Variants in TCF12 observed in about 807,000 individuals in gnomAD.
TCF12 encodes transcription factor 12.
A neutral mutation model predicts 86.0 loss-of-function variants in TCF12; 45 were observed. That is an observed-to-expected ratio of 0.52 (90% confidence interval 0.41 to 0.67). The LOEUF is 0.67. Among genes scored for constraint, TCF12 ranks in the 30% least tolerant of loss-of-function variants. TCF12 has a pLI of 0.00. For missense variants in TCF12, 881 were observed against 859.9 expected (o/e 1.02, Z -0.31); for synonymous variants, 330 against 299.6 (o/e 1.10, Z -1.05).
chr15:57,221,090 C>T (rs2058568178), intron 8 of TCF12, among the ~76,000 whole-genome samples: 1 of 152,050 alleles, frequency 6.6e-6, no homozygotes, highest in African/African-American at 2.4e-5. Context: ...TCACTGATTG[C>T]TTTAGTAAGG....
At chr15:56,928,872 G>C (rs1352042258) in intron 3 of TCF12, among the ~76,000 whole-genome samples, 14 of 152,168 alleles carry the variant, frequency 9.2e-5, no homozygotes, top group Non-Finnish European at 1.0e-4. Flanking sequence ...GAACGCCTGG[G>C]AACAGGTTGG....
intron 8 of TCF12, among the ~76,000 whole-genome samples, chr15:57,207,329 G>T (rs1183906006): frequency 3.9e-5 from 6 of 151,920 alleles, no homozygotes; most frequent in African/African-American, 1.5e-4. Flanking sequence ...ATTTTATATG[G>T]TTCTTAGTTT....
rs527665020 is a variant in TCF12, at chr15:56,920,030, T to TTTTG, written c.75+62_75+65dup. ...TGGCATCTTGGGGTTCTGCTGAGGT[T>TTTTG]TTTGTTTGTTTGTTTGTTTGTTTCT... On this transcript the variant is annotated intron_variant, in intron 2 of 20. Coordinates refer to ENST00000333725, the MANE Select transcript of TCF12 (RefSeq NM_207037.2). 9,822 of 1,605,772 alleles carry TTTTG rather than the reference T, an allele frequency of 6.1e-3. 37 individuals are homozygous for TTTTG. The highest frequency in any genetic ancestry group is 7.4e-3 in the Non-Finnish European group (8,722 of 1,173,166).
intron 4 of TCF12, among the ~76,000 whole-genome samples, chr15:57,075,293 CG>C (rs2069785439): frequency 6.6e-6 from 1 of 152,128 alleles, no homozygotes; most frequent in Non-Finnish European, 1.5e-5. Context: ...TTCCTTAGAT[CG>C]TTTTTCCTCA....
Position 56,982,763 on chromosome 15 carries a change from A to G in TCF12, c.148+61665A>G, listed in dbSNP as rs544303431. Among the ~76,000 whole-genome samples, 25 of 152,370 alleles carry G rather than the reference A, an allele frequency of 1.6e-4. No individual in the cohort carries two copies. The Middle Eastern group carries it at 0.01, about 62-fold the overall frequency. ...ATTGGTTTAATTAAAAACAAATTCT[A>G]TATCTGCAAGAGAAACAGTTGCTCA... On this transcript the variant is annotated intron_variant, in intron 3 of 20. Coordinates refer to ENST00000333725, the MANE Select transcript of TCF12 (RefSeq NM_207037.2).
At chr15:57,194,898 T>C (rs188117582) in intron 7 of TCF12, among the ~76,000 whole-genome samples, 258 of 152,230 alleles carry the variant, frequency 1.7e-3, no homozygotes, top group African/African-American at 6.0e-3. Flanking sequence ...TATTCACTTA[T>C]ATTTATGTAT....
chr15:57,167,051 A>G (rs549429037), intron 6 of TCF12, among the ~76,000 whole-genome samples: 1 of 152,318 alleles, frequency 6.6e-6, no homozygotes, highest in South Asian at 2.1e-4. Context: ...AATCAAGCCA[A>G]AAAGAATAGA....
chr15:57,033,596 T>G (rs2066332843), intron 3 of TCF12, among the ~76,000 whole-genome samples: 1 of 152,200 alleles, frequency 6.6e-6, no homozygotes, highest in African/African-American at 2.4e-5. Flanking sequence ...ATTATGGCTC[T>G]TATTTTCTAA....
intron 3 of TCF12, among the ~76,000 whole-genome samples, chr15:57,027,934 T>A (rs934414935): frequency 6.6e-6 from 1 of 152,156 alleles, no homozygotes; most frequent in Admixed American, 6.6e-5. Context: ...TCCCTAGGCA[T>A]GTGGAACTGT....
chr15:57,251,074 T>G (rs949865230), intron 13 of TCF12: 1 of 319,410 alleles, frequency 3.1e-6, no homozygotes, highest in African/African-American at 2.2e-5. Context: ...TACATAGGCA[T>G]GTGGACTAAG....
intron 3 of TCF12, among the ~76,000 whole-genome samples, chr15:56,980,725 T>G (rs779344747): frequency 1.3e-5 from 2 of 152,222 alleles, no homozygotes; most frequent in Non-Finnish European, 2.9e-5. Flanking sequence ...GCACACAGCC[T>G]CCAATTTCAG....
At chr15:57,017,460 A>G (rs1471443404) in intron 3 of TCF12, among the ~76,000 whole-genome samples, 2 of 152,242 alleles carry the variant, frequency 1.3e-5, no homozygotes, top group African/African-American at 4.8e-5. Flanking sequence ...ACAAGGCACA[A>G]TTGGGTAGTT....
intron 3 of TCF12, among the ~76,000 whole-genome samples, chr15:57,048,337 C>T (rs2067373883): frequency 6.6e-6 from 1 of 152,198 alleles, no homozygotes; most frequent in South Asian, 2.1e-4. Flanking sequence ...TCTCGGCTCA[C>T]TGTAAGCTCC....
intron 3 of TCF12, among the ~76,000 whole-genome samples, chr15:57,035,673 TTTTC>T (rs2066463576): frequency 6.6e-6 from 1 of 152,148 alleles, no homozygotes; most frequent in Non-Finnish European, 1.5e-5. Context: ...AGTTAAAATT[TTTTC>T]TTTGTTTATA....
downstream of TCF12, among the ~76,000 whole-genome samples, chr15:57,290,070 C>T (rs372227075): frequency 2.7e-5 from 4 of 150,574 alleles, no homozygotes; most frequent in African/African-American, 7.3e-5. Flanking sequence ...TCTGGCTGGG[C>T]GTGGTGGCTC....
At chr15:57,235,620 T>C (rs1230400376) in intron 12 of TCF12, among the ~76,000 whole-genome samples, 1 of 152,226 alleles carries the variant, frequency 6.6e-6, no homozygotes, top group Non-Finnish European at 1.5e-5. Flanking sequence ...TTTTATTCTA[T>C]ACTAAACCTG....
rs1325280428 is a variant in TCF12, at chr15:57,133,288, G to T, written c.326-33114G>T. 2.6e-5 allele frequency among the ~76,000 whole-genome samples: 4 copies of T among 152,216 alleles called. No individual in the cohort carries two copies. In the East Asian group the frequency reaches 7.7e-4, roughly 29 times the overall value. On this transcript the variant is annotated intron_variant, in intron 5 of 20. Transcript: ENST00000333725. ...GTTTTAGCACTGCGTGCCTTGCTTAGCCTGCCGTGTAAAGTCAGTTGCCTC... is the reference window on the plus strand; with the variant it reads ...GTTTTAGCACTGCGTGCCTTGCTTATCCTGCCGTGTAAAGTCAGTTGCCTC...
chr15:57,282,332 G>C, intron 19 of TCF12, 113 bp from the exon 20 acceptor site: 1 of 1,265,164 alleles, frequency 7.9e-7, no homozygotes, highest in South Asian at 1.3e-5. Context: ...TCTTCTATGT[G>C]ATGGTACTTA....
chr15:56,940,089 T>C (rs1219698546), intron 3 of TCF12, among the ~76,000 whole-genome samples: 3 of 151,652 alleles, frequency 2.0e-5, no homozygotes, highest in Non-Finnish European at 2.9e-5. Flanking sequence ...AGCTCTGTTT[T>C]ATGAGGACTC....
Sources: allele counts gnomAD v4.1 joint callset (sites outside exome capture counted in the v4.1 genomes callset), GRCh38; gene constraint gnomAD v4.1.1; transcripts MANE v1.5; gene names NCBI Gene and HGNC (gene_info 2026-07-23, HGNC 2026-07-21).